MAP3K5: variants seen among roughly 807,000 people sequenced by gnomAD.
MAP3K5 encodes the protein mitogen-activated protein kinase kinase kinase 5.
Under a neutral mutation model 158.7 loss-of-function variants are expected in MAP3K5, and 56 were observed. The observed-to-expected ratio is 0.35, with a 90% CI of 0.28 to 0.44. MAP3K5 has a LOEUF of 0.44. Among genes scored for constraint, MAP3K5 ranks in the 20% least tolerant of loss-of-function variants. The pLI, the probability that MAP3K5 is intolerant of heterozygous loss-of-function variation, is 1.00. For missense variants in MAP3K5, 1,294 were observed against 1,674.8 expected, an observed-to-expected ratio of 0.77 and a Z score of 3.97; for synonymous variants, 579 against 601.7, an observed-to-expected ratio of 0.96 and a Z score of 0.55.
At position 136,644,829 on chromosome 6, in the gene MAP3K5, T is replaced by C. The variant is rs554592599; in HGVS notation, c.1789-2260A>G. On this transcript the variant is annotated intron_variant, in intron 11 of 29. Transcript: ENST00000359015. ...TGGCCCTCCTCCCCGGGATGCCGCC[T>C]GTGTGAGGTGCTTCTTGGAATAGCT... Among the ~76,000 whole-genome samples, 3 of 152,296 alleles carry C rather than the reference T, an allele frequency of 2.0e-5. No homozygotes were observed. The South Asian group carries it at 6.2e-4, about 32-fold the overall frequency.
chr6:136,615,777 A>G (rs2129092657), intron 15 of MAP3K5, among the ~76,000 whole-genome samples: 1 of 152,304 alleles, frequency 6.6e-6, no homozygotes, highest in Admixed American at 6.5e-5. Flanking sequence ...TGTGAAATAC[A>G]CTAATAATTC....
chr6:136,759,554 T>A (rs972337769), intron 1 of MAP3K5, among the ~76,000 whole-genome samples: 9 of 148,336 alleles, frequency 6.1e-5, no homozygotes, highest in Non-Finnish European at 1.3e-4. Flanking sequence ...CACTGCAACC[T>A]CTACATCCTA....
At chr6:136,639,396 G>A (rs1273001123) in intron 13 of MAP3K5, 147 bp downstream of exon 13, 4 of 454,634 alleles carry the variant, frequency 8.8e-6, no homozygotes, top group Non-Finnish European at 1.6e-5. Flanking sequence ...TTAAATTTAT[G>A]ATATAATTAT....
chr6:136,792,702 A>G (rs1295016124), upstream of MAP3K5, among the ~76,000 whole-genome samples: 1 of 152,142 alleles, frequency 6.6e-6, no homozygotes, highest in African/African-American at 2.4e-5. This position sits in a 1 kb window ranked among gnomAD's most constrained non-coding sequence, Gnocchi z 5.7. Context: ...CGGCAGCCGA[A>G]AGGACCCTCC....
intron 1 of MAP3K5, among the ~76,000 whole-genome samples, chr6:136,748,143 A>G (rs1251149015): frequency 6.6e-6 from 1 of 152,238 alleles, no homozygotes; most frequent in African/African-American, 2.4e-5. Flanking sequence ...GTAGGCATAG[A>G]GTATACAATA....
chr6:136,727,730 G>A (rs1782028013), intron 1 of MAP3K5, among the ~76,000 whole-genome samples: 1 of 152,178 alleles, frequency 6.6e-6, no homozygotes, highest in Non-Finnish European at 1.5e-5. Context: ...GGAGGCCAAG[G>A]CGGGCGGACC....
At chr6:136,597,765 T>C (rs1166974482) in intron 21 of MAP3K5, among the ~76,000 whole-genome samples, 1 of 152,244 alleles carries the variant, frequency 6.6e-6, no homozygotes, top group African/African-American at 2.4e-5. Context: ...AAAAATGTTA[T>C]GGAATAAATC....
At chr6:136,617,312 G>A (rs150010293) in intron 15 of MAP3K5, among the ~76,000 whole-genome samples, 2 of 152,276 alleles carry the variant, frequency 1.3e-5, no homozygotes, top group East Asian at 3.9e-4. Flanking sequence ...TCTTATCTAT[G>A]AGAATTATAA....
At chr6:136,756,124 T>C (rs1021718994) in intron 1 of MAP3K5, among the ~76,000 whole-genome samples, 15 of 148,820 alleles carry the variant, frequency 1.0e-4, no homozygotes, top group South Asian at 2.1e-4. Context: ...CTAGGCAACA[T>C]GGCAAAACCC....
At chr6:136,600,581 C>T (rs1289308938) in intron 21 of MAP3K5, among the ~76,000 whole-genome samples, 2 of 151,972 alleles carry the variant, frequency 1.3e-5, no homozygotes, top group Non-Finnish European at 2.9e-5. Flanking sequence ...AGTTATGATC[C>T]GCAAAAGCCA....
intron 8 of MAP3K5, 37 bp from the exon 9 acceptor site, chr6:136,659,415 AC>A: frequency 6.3e-7 from 1 of 1,595,262 alleles, no homozygotes; most frequent in Non-Finnish European, 8.6e-7. Context: ...TTACAAATGC[AC>A]CCCACACAGG....
intron 7 of MAP3K5, among the ~76,000 whole-genome samples, chr6:136,670,840 T>C (rs775470659): frequency 2.2e-4 from 34 of 152,240 alleles, no homozygotes; most frequent in South Asian, 4.1e-4. Flanking sequence ...CTATGGAATA[T>C]GAAAAAAGGT....
At chr6:136,713,655 T>G (rs1405503002) in intron 2 of MAP3K5, among the ~76,000 whole-genome samples, 1 of 152,206 alleles carries the variant, frequency 6.6e-6, no homozygotes, top group Non-Finnish European at 1.5e-5. Context: ...CAATTTGAGA[T>G]GGAATGATTA....
At chr6:136,561,050 A>AT (rs375997309) in intron 28 of MAP3K5, among the ~76,000 whole-genome samples, 193 of 152,036 alleles carry the variant, frequency 1.3e-3, no homozygotes, top group African/African-American at 4.5e-3. Flanking sequence ...TCCTGTCTTT[A>AT]TTTTTTTCCC....
intron 2 of MAP3K5, among the ~76,000 whole-genome samples, chr6:136,709,157 C>A (rs756424724): frequency 1.4e-4 from 22 of 152,162 alleles, no homozygotes; most frequent in Non-Finnish European, 2.9e-5. Flanking sequence ...GACTTCCTCG[C>A]GTGCAAAGAC....
chr6:136,669,205 C>T (rs1779360965), intron 8 of MAP3K5, 78 bp downstream of exon 8: 1 of 891,240 alleles, frequency 1.1e-6, no homozygotes, highest in Admixed American at 2.0e-5. Flanking sequence ...AAAGATTTAT[C>T]TATTCATGAT....
chr6:136,665,595 C>T (rs1178391002), intron 8 of MAP3K5, among the ~76,000 whole-genome samples: 2 of 152,174 alleles, frequency 1.3e-5, no homozygotes, highest in African/African-American at 4.8e-5. Context: ...ATCCACCCGC[C>T]TCCGCCTCCC....
intron 23 of MAP3K5, among the ~76,000 whole-genome samples, chr6:136,585,583 T>C (rs374509130): frequency 1.4e-3 from 207 of 151,882 alleles, no homozygotes; most frequent in African/African-American, 4.7e-3. Context: ...CACAACAACC[T>C]CTGCCTCCCA....
At chr6:136,739,148 T>C (rs1253794554) in intron 1 of MAP3K5, among the ~76,000 whole-genome samples, 2 of 152,086 alleles carry the variant, frequency 1.3e-5, no homozygotes, top group African/African-American at 4.8e-5. Flanking sequence ...GACAAAGTAA[T>C]GGTGTCTGAA....
Sources: allele counts gnomAD v4.1 joint callset (sites outside exome capture counted in the v4.1 genomes callset), GRCh38; gene constraint gnomAD v4.1.1; non-coding constraint Gnocchi (gnomAD v3.1); transcripts MANE v1.5; gene names NCBI Gene and HGNC (gene_info 2026-07-23, HGNC 2026-07-21).